The following ANKS6 variants were observed in gnomAD, a reference collection of about 807,000 sequenced individuals.
ANKS6 encodes ankyrin repeat and SAM domain-containing protein 6.
A neutral mutation model predicts 77.9 loss-of-function variants in ANKS6; 47 were observed. That is an observed-to-expected ratio of 0.60 (90% CI 0.48 to 0.77). ANKS6 has a LOEUF of 0.77. ANKS6 is among the 30% of genes least tolerant of loss of function. The pLI is 0.00. For missense variants in ANKS6, 1,150 were observed against 1,159.1 expected (o/e 0.99, Z 0.11); for synonymous variants, 488 against 501.7 (o/e 0.97, Z 0.37).
intron 14 of ANKS6, among the ~76,000 whole-genome samples, chr9:98,739,465 C>T (rs1193699038): frequency 2.0e-5 from 3 of 152,022 alleles, no homozygotes; most frequent in African/African-American, 7.3e-5. Flanking sequence ...CCCATTTCTC[C>T]TATTTGCTAG....
At chr9:98,764,587 TG>T (rs1012094252) in intron 11 of ANKS6, among the ~76,000 whole-genome samples, 6 of 152,198 alleles carry the variant, frequency 3.9e-5, no homozygotes, top group African/African-American at 1.4e-4. Context: ...GTGATTCAGT[TG>T]GGGTAAACTC....
chr9:98,733,823 C>A lies in ANKS6; in HGVS notation c.*2696G>T. On this transcript the variant is annotated 3_prime_UTR_variant, in exon 15 of 15. Transcript: ENST00000353234. Reference sequence around the variant, plus strand: ...GGGAACCTCACCCCACTTTCACATACACACCCTACGTTTCTTTATGAAAAA... The same window carrying A: ...GGGAACCTCACCCCACTTTCACATAAACACCCTACGTTTCTTTATGAAAAA... 1.0e-6 allele frequency: 1 copy of A among 985,432 alleles called. No individual in the cohort carries two copies. The highest frequency in any genetic ancestry group is 1.7e-5 in the African/African-American group (1 of 57,340). 61.0% of individuals were successfully genotyped at this position (985,432 alleles called of 1,614,324 possible).
At chr9:98,789,246 C>T (rs1476636907) in intron 2 of ANKS6, among the ~76,000 whole-genome samples, 1 of 152,010 alleles carries the variant, frequency 6.6e-6, no homozygotes, top group African/African-American at 2.4e-5. Context: ...TACTGTTACT[C>T]CCTGGCTGTG....
chr9:98,780,022 A>G (rs1242110556), intron 6 of ANKS6, among the ~76,000 whole-genome samples, 167 bp downstream of exon 6: 1 of 152,108 alleles, frequency 6.6e-6, no homozygotes, highest in Non-Finnish European at 1.5e-5. Context: ...CAGTCTCCCC[A>G]GTTTTTCCTG....
intron 13 of ANKS6, among the ~76,000 whole-genome samples, chr9:98,747,418 C>T (rs1832197275): frequency 6.6e-6 from 1 of 151,052 alleles, no homozygotes. Context: ...AGGTTTGAGT[C>T]ACTGGGGAAG....
rs58056640 is a variant in ANKS6 at position 98,775,869 on chromosome 9, G to A, written c.1617+1536C>T. On this transcript the variant is annotated intron_variant, in intron 8 of 14. Transcript: ENST00000353234. ...CATGATCAAACGTCAGGCAGCACAA[G>A]CCCCCACAGTCAGTGTTCGAGCCAT... Among the ~76,000 whole-genome samples the A allele has an allele frequency of 7.7e-3, 1,170 of 152,236 alleles. 12 individuals are homozygous for A. Among genetic ancestry groups the A allele is most frequent in the African/African-American group, 0.026 (1,095 of 41,532 alleles).
intron 14 of ANKS6, among the ~76,000 whole-genome samples, chr9:98,739,881 G>T (rs539008852): frequency 1.3e-5 from 2 of 148,236 alleles, no homozygotes; most frequent in Non-Finnish European, 3.0e-5. Flanking sequence ...TCAGCCTCCC[G>T]AGTAGCTGGG....
intron 11 of ANKS6, among the ~76,000 whole-genome samples, chr9:98,759,644 T>C (rs1832906188): frequency 6.6e-6 from 1 of 152,236 alleles, no homozygotes. Context: ...TGGGTTTATA[T>C]GGATTATTAT....
At chr9:98,736,721 A>G in intron 14 of ANKS6, 98 bp from the exon 15 acceptor site, 1 of 1,428,064 alleles carries the variant, frequency 7.0e-7, no homozygotes, top group South Asian at 1.2e-5. Flanking sequence ...CTCATACTTC[A>G]AAAACCCATG....
In ANKS6 at chr9:98,736,070, G is replaced by A; in HGVS notation, c.*449C>T. ...GAGACTGCACATCCTGGCCTCCTCT[G>A]CATCCAGGTGGGGCCACATGACTAC... On this transcript the variant is annotated 3_prime_UTR_variant, in exon 15 of 15. Coordinates refer to ENST00000353234, the MANE Select transcript of ANKS6 (RefSeq NM_173551.5). 8.5e-7 allele frequency: 1 copy of A among 1,172,670 alleles called. No homozygotes were observed. Among genetic ancestry groups the A allele is most frequent in the Non-Finnish European group, 1.1e-6 (1 of 949,870 alleles). 72.6% of individuals were successfully genotyped at this position (1,172,670 alleles called of 1,614,324 possible).
At chr9:98,773,100 T>C (rs1441125922) in intron 9 of ANKS6, among the ~76,000 whole-genome samples, 1 of 152,236 alleles carries the variant, frequency 6.6e-6, no homozygotes, top group African/African-American at 2.4e-5. Flanking sequence ...CGTTCCTACC[T>C]GATCGAGAAT....
At chr9:98,756,023 CCAT>C (rs1488675512) in intron 12 of ANKS6, among the ~76,000 whole-genome samples, 3 of 152,124 alleles carry the variant, frequency 2.0e-5, no homozygotes, top group Non-Finnish European at 4.4e-5. Flanking sequence ...CTAGACACTC[CCAT>C]CATATGAGCC....
rs769407593 is a variant in ANKS6, at chr9:98,745,680, GGA to G, written c.2395-7_2395-6del. The G allele has an allele frequency of 1.6e-5, 26 of 1,609,320 alleles. No individual in the cohort carries two copies. The African/African-American group carries it at 2.3e-4, about 14-fold the overall frequency. On this transcript the variant is annotated splice_polypyrimidine_tract_variant and splice_region_variant and intron_variant, in intron 13 of 14. Transcript: ENST00000353234. ...GAGGAACGCTTCCATGTCCACCTGG[GGA>G]GAGAGAGGGGATTTGCCACCATCTG... is the stretch of plus-strand genomic sequence containing the variant.
At position 98,736,262 on chromosome 9, in the gene ANKS6, G is replaced by C; in HGVS notation, c.*257C>G. 4 of 1,322,946 alleles carry C rather than the reference G, an allele frequency of 3.0e-6. No homozygotes were observed. The highest frequency in any genetic ancestry group is 3.8e-6 in the Non-Finnish European group (4 of 1,039,552). The allele number at this position is 1,322,946 out of a possible 1,614,324, so 82.0% of individuals were successfully genotyped here. On this transcript the variant is annotated 3_prime_UTR_variant, in exon 15 of 15. Transcript: ENST00000353234. ...ACAGGATGAAAGGAGCTGAGTCCCT[G>C]CATCACTGTGTGAACCAACCTGCCA...
Position 98,796,130 on chromosome 9 carries a change from CACCTGGCCGCCTG to C in ANKS6, c.349_359+2del. ...CCCGGGCCCCCGGGCCCCGCCGCCT[CACCTGGCCGCCTG>C]CATGAGCGCGCTCCAGCCGTAGTGG... On this transcript the variant is annotated splice_donor_variant and coding_sequence_variant, in exon 1 of 15. Transcript: ENST00000353234. LOFTEE classifies it high-confidence loss of function. 7.3e-7 allele frequency: 1 copy of C among 1,366,278 alleles called. No homozygotes were observed. The highest frequency in any genetic ancestry group is 9.4e-7 in the Non-Finnish European group (1 of 1,059,294). 84.6% of individuals were successfully genotyped at this position (1,366,278 alleles called of 1,614,324 possible).
rs762842783 is a variant in ANKS6 at position 98,732,803 on chromosome 9, C to T, written c.*3716G>A. On this transcript the variant is annotated 3_prime_UTR_variant, in exon 15 of 15. Coordinates refer to ENST00000353234, the MANE Select transcript of ANKS6 (RefSeq NM_173551.5). Reference sequence around the variant, plus strand: ...ATGTCCAGTGCTCTTTCCAGGGTAACAGGTTGCTTCTACTCATTTTAAAGG... The same window carrying T: ...ATGTCCAGTGCTCTTTCCAGGGTAATAGGTTGCTTCTACTCATTTTAAAGG... 3.8e-6 allele frequency: 5 copies of T among 1,332,828 alleles called. No homozygotes were observed. In the East Asian group the frequency reaches 1.5e-4, roughly 40 times the overall value. The allele number at this position is 1,332,828 out of a possible 1,614,324, so 82.6% of individuals were successfully genotyped here.
intron 9 of ANKS6, among the ~76,000 whole-genome samples, chr9:98,772,222 A>C (rs1334365870): frequency 6.6e-6 from 1 of 152,224 alleles, no homozygotes; most frequent in Admixed American, 6.5e-5. Context: ...GGTGGGCTCT[A>C]AATGCAATCA....
intron 11 of ANKS6, among the ~76,000 whole-genome samples, chr9:98,757,850 C>A (rs1188725159): frequency 6.6e-6 from 1 of 152,074 alleles, no homozygotes; most frequent in Non-Finnish European, 1.5e-5. Context: ...ATCACTTGAA[C>A]CCGGGAGGCA....
chr9:98,735,667 C>T lies in ANKS6; in HGVS notation c.*852G>A, dbSNP rs1831457582. 7 of 1,231,596 alleles carry T rather than the reference C, an allele frequency of 5.7e-6. No homozygotes were observed. The South Asian group carries it at 2.1e-4, about 36-fold the overall frequency. 76.3% of individuals were successfully genotyped at this position (1,231,596 alleles called of 1,614,324 possible). A position where few individuals can be genotyped will look rare whatever the true frequency, so the allele number is the denominator to read the frequency against. ...AGGTGAGCACTGTGGAGTACCAGAGCATCATCTGGTCTGACCTTCCACTTT... is the reference window on the plus strand; with the variant it reads ...AGGTGAGCACTGTGGAGTACCAGAGTATCATCTGGTCTGACCTTCCACTTT... On this transcript the variant is annotated 3_prime_UTR_variant, in exon 15 of 15. Transcript: ENST00000353234.
Sources: allele counts gnomAD v4.1 joint callset (sites outside exome capture counted in the v4.1 genomes callset), GRCh38; gene constraint gnomAD v4.1.1; transcripts MANE v1.5; gene names NCBI Gene and HGNC (gene_info 2026-07-23, HGNC 2026-07-21).